LTBP1: variants seen among roughly 807,000 people sequenced by gnomAD.
LTBP1 encodes the protein latent transforming growth factor beta binding protein 1, also known as latent-transforming growth factor beta-binding protein 1.
In LTBP1, 129 loss-of-function variants were observed where a neutral mutation model predicts 207.6. The ratio of observed to expected loss-of-function variants is 0.62; its 90% CI spans 0.54 to 0.72. The LOEUF is 0.72. LTBP1 is among the 30% of genes least tolerant of loss of function. The probability of loss-of-function intolerance (pLI) is 0.00; values close to 1 mark genes in which losing one functional copy is unlikely to be tolerated. For synonymous variants in LTBP1, 963 were observed against 833.7 expected (o/e 1.16, Z -2.67); for missense variants, 2,281 against 2,217.2 (o/e 1.03, Z -0.58).
At chr2:33,105,471 C>G (rs2080012667) in intron 3 of LTBP1, among the ~76,000 whole-genome samples, 1 of 150,468 alleles carries the variant, frequency 6.6e-6, no homozygotes, top group Non-Finnish European at 1.5e-5. Flanking sequence ...GAGTCTCACT[C>G]TGTTGCCCAG....
intron 24 of LTBP1, among the ~76,000 whole-genome samples, chr2:33,325,729 C>T (rs1005128077): frequency 6.6e-6 from 1 of 152,044 alleles, no homozygotes; most frequent in African/African-American, 2.4e-5. Context: ...TCCCTTAATA[C>T]CTAAAGAACT....
chr2:33,256,278 C>T (rs1026894587), intron 11 of LTBP1, among the ~76,000 whole-genome samples: 3 of 151,992 alleles, frequency 2.0e-5, no homozygotes, highest in Non-Finnish European at 4.4e-5. Context: ...TTCTACCTAT[C>T]ATCTCCAGCA....
intron 2 of LTBP1, among the ~76,000 whole-genome samples, chr2:32,979,028 G>A (rs189672446): frequency 7.8e-4 from 119 of 151,782 alleles, no homozygotes; most frequent in African/African-American, 2.5e-3. Flanking sequence ...TTGAATTTCT[G>A]TGTTATCAAT....
chr2:33,271,299 A>ATT (rs61361062), intron 15 of LTBP1, among the ~76,000 whole-genome samples: 2,259 of 149,064 alleles, frequency 0.015, 22 homozygotes, highest in East Asian at 0.026. Context: ...TCACCTTCTA[A>ATT]TTTTTTTTTT....
At chr2:32,970,360 G>C (rs1340287939) in intron 2 of LTBP1, among the ~76,000 whole-genome samples, 1 of 151,876 alleles carries the variant, frequency 6.6e-6, no homozygotes, top group Non-Finnish European at 1.5e-5. Flanking sequence ...TATCTTTCAG[G>C]GTTATCTTCC....
intron 31 of LTBP1, among the ~76,000 whole-genome samples, chr2:33,370,946 G>A (rs969134635): frequency 2.0e-5 from 3 of 152,146 alleles, no homozygotes; most frequent in African/African-American, 7.2e-5. Flanking sequence ...AACAGGTCAC[G>A]GGCACTAATT....
chr2:33,141,823 CT>C (rs2150775962), intron 5 of LTBP1, among the ~76,000 whole-genome samples: 1 of 152,258 alleles, frequency 6.6e-6, no homozygotes, highest in South Asian at 2.1e-4. Flanking sequence ...CAGACTTTTC[CT>C]ATCTCCCATC....
intron 7 of LTBP1, among the ~76,000 whole-genome samples, chr2:33,205,760 C>G (rs549936189): frequency 3.3e-5 from 5 of 152,138 alleles, no homozygotes; most frequent in Non-Finnish European, 5.9e-5. Context: ...CCCAATGCAG[C>G]TATATTTGGA....
chr2:33,046,430 A>G (rs988371273), intron 3 of LTBP1, among the ~76,000 whole-genome samples: 2 of 152,162 alleles, frequency 1.3e-5, no homozygotes, highest in Non-Finnish European at 2.9e-5. Context: ...TGATTTGCAT[A>G]TGTTGAACCA....
chr2:33,005,874 A>G (rs13399668), intron 2 of LTBP1, among the ~76,000 whole-genome samples: 13,268 of 152,206 alleles, frequency 0.087, 663 homozygotes, highest in South Asian at 0.19. Flanking sequence ...GGCGTGAGCC[A>G]CTGTGCCCGG....
intron 20 of LTBP1, among the ~76,000 whole-genome samples, chr2:33,295,177 C>T (rs1398322048): frequency 6.6e-6 from 1 of 151,894 alleles, no homozygotes; most frequent in Non-Finnish European, 1.5e-5. Context: ...CCATTAATAT[C>T]ATTTCTCATT....
At chr2:33,158,101 A>G (rs982032007) in intron 5 of LTBP1, among the ~76,000 whole-genome samples, 1 of 144,494 alleles carries the variant, frequency 6.9e-6, no homozygotes, top group Non-Finnish European at 1.5e-5. Flanking sequence ...GTGCCATTGC[A>G]CTCCAGCCTG....
chr2:32,984,527 C>G (rs922161999), intron 2 of LTBP1, among the ~76,000 whole-genome samples: 53 of 152,334 alleles, frequency 3.5e-4, no homozygotes, highest in African/African-American at 1.3e-3. Context: ...AACTGAAACT[C>G]AGACTCCCAT....
intron 22 of LTBP1, among the ~76,000 whole-genome samples, chr2:33,306,399 A>C (rs1381234888): frequency 6.6e-6 from 1 of 151,902 alleles, no homozygotes; most frequent in Non-Finnish European, 1.5e-5. Flanking sequence ...GTAAAACCCC[A>C]TCTCTACTAA....
intron 26 of LTBP1, among the ~76,000 whole-genome samples, chr2:33,355,898 G>A (rs1351470672): frequency 6.6e-6 from 1 of 152,056 alleles, no homozygotes; most frequent in African/African-American, 2.4e-5. Flanking sequence ...CAAGAACTAT[G>A]TGGAGAGATC....
intron 3 of LTBP1, among the ~76,000 whole-genome samples, chr2:33,027,661 C>A (rs755374898): frequency 6.6e-6 from 1 of 151,976 alleles, no homozygotes; most frequent in African/African-American, 2.4e-5. Context: ...TGGTGAAACC[C>A]CTTCTCTACT....
At chr2:32,955,095 A>C (rs1677867554) in intron 2 of LTBP1, among the ~76,000 whole-genome samples, 1 of 152,254 alleles carries the variant, frequency 6.6e-6, no homozygotes, top group African/African-American at 2.4e-5. Flanking sequence ...TTTAACAAGC[A>C]TCCCAAATCA....
chr2:33,022,265 C>CTTTTTTTTTTTTTTT (rs3047211), intron 3 of LTBP1, among the ~76,000 whole-genome samples: 4 of 125,236 alleles, frequency 3.2e-5, no homozygotes, highest in Non-Finnish European at 4.9e-5. Flanking sequence ...CCTCAATCCT[C>CTTTTTTTTTTTTTTT]TTTTTTTTTT....
At chr2:33,296,422 C>G (rs2093876003) in intron 20 of LTBP1, among the ~76,000 whole-genome samples, 1 of 152,024 alleles carries the variant, frequency 6.6e-6, no homozygotes, top group Non-Finnish European at 1.5e-5. Flanking sequence ...ATTATCCTGC[C>G]TTTCATATTC....
Sources: gnomAD v4.1 joint callset for allele counts (sites outside exome capture counted in the v4.1 genomes callset) on GRCh38, gnomAD v4.1.1 for gene constraint, MANE v1.5 for transcripts, NCBI Gene and HGNC (gene_info 2026-07-23, HGNC 2026-07-21) for gene names.